Variants in USH2A observed in about 807,000 individuals in gnomAD.
USH2A encodes usherin.
A neutral mutation model predicts 538.9 loss-of-function variants in USH2A; 443 were observed. That is an observed-to-expected ratio of 0.82 (90% CI 0.76 to 0.89). The LOEUF is 0.89. Among genes scored for constraint, USH2A ranks in the 40% least tolerant of loss-of-function variants. The pLI is 0.00. For synonymous variants in USH2A, 2,413 were observed against 2,273.5 expected (o/e 1.06, Z -1.75); for missense variants, 6,633 against 6,324.8 (o/e 1.05, Z -1.65).
chr1:215,723,767 C>A (rs1659728857), intron 61 of USH2A, among the ~76,000 whole-genome samples: 1 of 152,072 alleles, frequency 6.6e-6, no homozygotes. Context: ...TTACCTGGTG[C>A]AGAAATTAGA....
intron 71 of USH2A, 78 bp from the exon 72 acceptor site, chr1:215,625,948 TA>T: frequency 7.0e-7 from 1 of 1,418,496 alleles, no homozygotes; most frequent in South Asian, 1.2e-5. Context: ...TTATATCAAT[TA>T]AGTGTAAAAA....
intron 32 of USH2A, among the ~76,000 whole-genome samples, chr1:216,018,190 G>A (rs1438184300): frequency 1.3e-5 from 2 of 152,108 alleles, no homozygotes; most frequent in African/African-American, 4.8e-5. Context: ...AGTCAAAGAG[G>A]GATCATTTGG....
Position 215,817,143 on chromosome 1 carries a change from C to T in USH2A, c.9424G>A (p.Gly3142Arg). 6.2e-7 allele frequency: 1 copy of T among 1,612,746 alleles called. No individual in the cohort carries two copies. The highest frequency in any genetic ancestry group is 8.5e-7 in the Non-Finnish European group (1 of 1,179,050). ...CATGTTTTCCATAGGAGATCATATC[C>T]AAGAATGATGCCATTTGGCTTCCGT... ...SPRKPNGIILGYDLLWKTWYP... is the reference protein window; with the variant it reads ...SPRKPNGIILRYDLLWKTWYP... The change falls in exon 48 of 72, where the codon GGA (glycine) becomes AGA (arginine). Residue 3142 changes from glycine (G) to arginine (R), a missense_variant. By Grantham distance (125) the Gly-to-Arg change is moderately radical. Transcript: ENST00000307340.
intron 21 of USH2A, among the ~76,000 whole-genome samples, chr1:216,170,485 T>C (rs2102636565): frequency 6.6e-6 from 1 of 152,268 alleles, no homozygotes. Flanking sequence ...CAGGTGCATG[T>C]GTGTGCTCAT....
intron 46 of USH2A, among the ~76,000 whole-genome samples, chr1:215,843,065 G>C (rs2102820790): frequency 6.6e-6 from 1 of 152,142 alleles, no homozygotes; most frequent in South Asian, 2.1e-4. Context: ...AGGAAGCTAG[G>C]TCTATGAGTC....
At chr1:216,171,329 A>C (rs763652430) in intron 21 of USH2A, among the ~76,000 whole-genome samples, 5 of 152,074 alleles carry the variant, frequency 3.3e-5, no homozygotes, top group Admixed American at 3.3e-4. Flanking sequence ...TTAATAGATG[A>C]GCAAGATTAG....
intron 47 of USH2A, among the ~76,000 whole-genome samples, chr1:215,832,694 A>C (rs556769621): frequency 2.0e-5 from 3 of 152,004 alleles, no homozygotes; most frequent in Non-Finnish European, 4.4e-5. Flanking sequence ...ATTGGGAACA[A>C]GTCAAGGATA....
At chr1:215,886,353 C>T (rs1004541986) in intron 41 of USH2A, among the ~76,000 whole-genome samples, 4 of 152,140 alleles carry the variant, frequency 2.6e-5, no homozygotes, top group African/African-American at 7.2e-5. Flanking sequence ...ATCACGAGAA[C>T]GTCCACTTCG....
intron 47 of USH2A, among the ~76,000 whole-genome samples, 167 bp downstream of exon 47, chr1:215,837,824 T>G (rs1663573886): frequency 6.6e-6 from 1 of 152,216 alleles, no homozygotes; most frequent in African/African-American, 2.4e-5. Context: ...CCATTGGATG[T>G]CCAGTGAAGA....
chr1:215,967,951 T>C (rs757579752), intron 36 of USH2A, among the ~76,000 whole-genome samples: 7 of 152,166 alleles, frequency 4.6e-5, no homozygotes, highest in Non-Finnish European at 1.0e-4. Context: ...GACACAGTCA[T>C]AAAATTCTCA....
intron 61 of USH2A, among the ~76,000 whole-genome samples, chr1:215,718,594 A>G (rs1659554788): frequency 1.3e-5 from 2 of 152,220 alleles, no homozygotes; most frequent in South Asian, 4.1e-4. Flanking sequence ...TACAGCTGTT[A>G]CAGTGGTCAC....
chr1:215,901,840 A>G (rs1665509852), intron 38 of USH2A, among the ~76,000 whole-genome samples: 1 of 152,214 alleles, frequency 6.6e-6, no homozygotes, highest in Admixed American at 6.6e-5. Flanking sequence ...TTCCAAAGCT[A>G]TTCAGAAACT....
rs190227177 is a variant in USH2A, at chr1:215,754,140, C to T, written c.11389+4455G>A. On this transcript the variant is annotated intron_variant, in intron 58 of 71. Coordinates refer to ENST00000307340, the MANE Select transcript of USH2A (RefSeq NM_206933.4). ...TGGGGATAATGATATTATTACCTGTCTTCTAGCGTTTGCATAAAAATTAAC... is the reference window on the plus strand; with the variant it reads ...TGGGGATAATGATATTATTACCTGTTTTCTAGCGTTTGCATAAAAATTAAC... Among the ~76,000 whole-genome samples the T allele has an allele frequency of 5.9e-5, 9 of 152,250 alleles. No homozygotes were observed. The East Asian group carries it at 1.7e-3, about 29-fold the overall frequency.
rs971161483 is a variant in USH2A, at chr1:215,747,891, G to GT, written c.11390-4557dup. On this transcript the variant is annotated intron_variant, in intron 58 of 71. Transcript: ENST00000307340. ...TTTTTTTTGTTTGTTTGTTTGTTTGGTTTTTTTTTTTGAGACGGAGTCTCG... is the reference window on the plus strand; with the variant it reads ...TTTTTTTTGTTTGTTTGTTTGTTTGGTTTTTTTTTTTTGAGACGGAGTCTCG... Among the ~76,000 whole-genome samples, 565 of 93,324 alleles carry GT rather than the reference G, an allele frequency of 6.1e-3. 3 individuals carry two copies. Among genetic ancestry groups the GT allele is most frequent in the Middle Eastern group, 0.023 (4 of 174 alleles). The allele number at this position is 93,324 out of a possible 152,430, so 61.2% of individuals were successfully genotyped here.
chr1:215,713,843 C>G (rs577538907), intron 61 of USH2A, among the ~76,000 whole-genome samples: 2 of 152,296 alleles, frequency 1.3e-5, no homozygotes, highest in East Asian at 3.9e-4. Flanking sequence ...TTCCACTAGG[C>G]TGAAACTCAA....
intron 11 of USH2A, among the ~76,000 whole-genome samples, chr1:216,272,131 G>A (rs1025905801): frequency 2.0e-5 from 3 of 152,072 alleles, no homozygotes; most frequent in Non-Finnish European, 4.4e-5. Flanking sequence ...AGCCATTTGG[G>A]ACTGAGATTT....
chr1:216,041,790 T>G (rs982620968), intron 32 of USH2A, among the ~76,000 whole-genome samples: 5 of 152,114 alleles, frequency 3.3e-5, no homozygotes, highest in African/African-American at 1.2e-4. Context: ...TAATAATTAT[T>G]CAGAAAAGTA....
At chr1:215,781,991 T>C (rs1159399737) in intron 54 of USH2A, 51 bp downstream of exon 54, 1 of 1,611,138 alleles carries the variant, frequency 6.2e-7, no homozygotes, top group East Asian at 2.2e-5. Flanking sequence ...GATGTTCAGA[T>C]AATCTTCACA....
intron 4 of USH2A, among the ~76,000 whole-genome samples, chr1:216,352,123 G>A (rs2038298927): frequency 6.6e-6 from 1 of 152,120 alleles, no homozygotes; most frequent in African/African-American, 2.4e-5. Flanking sequence ...CTGGGGTGGG[G>A]AGATTTATAT....
Sources: gnomAD v4.1 joint callset for allele counts (sites outside exome capture counted in the v4.1 genomes callset) on GRCh38, gnomAD v4.1.1 for gene constraint, MANE v1.5 for transcripts, NCBI Gene and HGNC (gene_info 2026-07-23, HGNC 2026-07-21) for gene names.